Variants in PCDH17 observed in about 807,000 individuals in gnomAD.
PCDH17 encodes protocadherin 17, also known as protocadherin-17.
A neutral mutation model predicts 67.7 loss-of-function variants in PCDH17; 21 were observed. The observed-to-expected ratio is 0.31, with a 90% CI of 0.22 to 0.45. The LOEUF (loss-of-function observed/expected upper bound fraction) is 0.45. PCDH17 is among the 20% of genes least tolerant of loss of function. PCDH17 has a pLI of 1.00. For missense variants in PCDH17, 1,471 were observed against 1,564.8 expected (o/e 0.94, Z 1.01); for synonymous variants, 701 against 656.7 (o/e 1.07, Z -1.03).
At chr13:57,643,405 T>A (rs530237936) in intron 1 of PCDH17, among the ~76,000 whole-genome samples, 322 of 151,782 alleles carry the variant, frequency 2.1e-3, no homozygotes, top group Middle Eastern at 6.8e-3. Context: ...TGATACATTT[T>A]ATATAAATTA....
At chr13:57,714,725 A>G (rs748520259) in intron 3 of PCDH17, among the ~76,000 whole-genome samples, 3 of 151,772 alleles carry the variant, frequency 2.0e-5, no homozygotes, top group Non-Finnish European at 4.4e-5. Context: ...TAACTCTTTC[A>G]AGACTCTAAA....
At chr13:57,721,507 C>T (rs1475536446) in intron 3 of PCDH17, among the ~76,000 whole-genome samples, 3 of 151,854 alleles carry the variant, frequency 2.0e-5, no homozygotes, top group Non-Finnish European at 4.4e-5. Context: ...GATCATCTAT[C>T]TTAGAACTGT....
intron 3 of PCDH17, among the ~76,000 whole-genome samples, chr13:57,709,241 T>C (rs1034022963): frequency 2.0e-5 from 3 of 151,832 alleles, no homozygotes; most frequent in African/African-American, 7.2e-5. Flanking sequence ...AATATTAAGA[T>C]GCAGTACACA....
intron 3 of PCDH17, among the ~76,000 whole-genome samples, chr13:57,681,866 G>A (rs191605063): frequency 1.3e-5 from 2 of 151,786 alleles, no homozygotes; most frequent in East Asian, 3.9e-4. Context: ...GTGCTAGCAT[G>A]AGTGTTATGT....
chr13:57,693,184 A>G (rs1279289869), intron 3 of PCDH17, among the ~76,000 whole-genome samples: 4 of 135,634 alleles, frequency 2.9e-5, no homozygotes, highest in African/African-American at 1.1e-4. Context: ...TTGAAATAGT[A>G]AAGGTGAACA....
At chr13:57,716,761 G>T (rs895385706) in intron 3 of PCDH17, among the ~76,000 whole-genome samples, 5 of 151,900 alleles carry the variant, frequency 3.3e-5, no homozygotes, top group Non-Finnish European at 5.9e-5. Context: ...AACTTTAGAA[G>T]TAGATAGACC....
intron 3 of PCDH17, among the ~76,000 whole-genome samples, chr13:57,678,460 G>A (rs1041738645): frequency 1.3e-5 from 2 of 151,592 alleles, no homozygotes; most frequent in African/African-American, 4.8e-5. Context: ...TAGCTTTAAA[G>A]TAAAGATAAA....
upstream of PCDH17, among the ~76,000 whole-genome samples, chr13:57,631,278 A>C (rs1252653573): frequency 2.6e-5 from 4 of 152,206 alleles, no homozygotes; most frequent in East Asian, 3.9e-4. Flanking sequence ...GAAAAGAGGC[A>C]CTTGACAGCC....
At chr13:57,672,839 G>A (rs1955339184) in intron 3 of PCDH17, among the ~76,000 whole-genome samples, 1 of 151,950 alleles carries the variant, frequency 6.6e-6, no homozygotes, top group South Asian at 2.1e-4. Flanking sequence ...AAACCAAAGA[G>A]AGGGTCGAGA....
intron 3 of PCDH17, among the ~76,000 whole-genome samples, chr13:57,713,284 A>G (rs933087012): frequency 6.6e-6 from 1 of 151,748 alleles, no homozygotes; most frequent in African/African-American, 2.4e-5. Flanking sequence ...TATTTACTTT[A>G]GAACACGGAT....
At position 57,633,869 on chromosome 13, in the gene PCDH17, C is replaced by G. The variant is rs1293220981; in HGVS notation, c.1323C>G (p.Thr441=). Residue 441 remains threonine (T), a synonymous_variant, in exon 1 of 4, where the codon ACC becomes ACG. Transcript: ENST00000377918. The surrounding 1 kb of genome is among the most constrained non-coding windows in gnomAD (Gnocchi z 6.2). The part of the protein sequence containing the change: ...DRETQDEYNV[T]IVARDGGSPP... ...AGACACAAGACGAGTACAACGTGAC[C>G]ATCGTGGCGCGGGACGGGGGCTCTC... The G allele has an allele frequency of 1.2e-6, 2 of 1,613,100 alleles. No individual in the cohort carries two copies. Among genetic ancestry groups the G allele is most frequent in the East Asian group, 4.5e-5 (2 of 44,838 alleles).
intron 3 of PCDH17, among the ~76,000 whole-genome samples, chr13:57,670,507 A>G (rs1048760514): frequency 2.0e-5 from 3 of 151,088 alleles, no homozygotes; most frequent in South Asian, 4.2e-4. Flanking sequence ...TGCCTTACAC[A>G]GATTTCAATT....
At chr13:57,721,136 A>C (rs572242846) in intron 3 of PCDH17, among the ~76,000 whole-genome samples, 26 of 152,222 alleles carry the variant, frequency 1.7e-4, no homozygotes, top group Non-Finnish European at 3.7e-4. Flanking sequence ...TTTCTGCAAT[A>C]TAAACATGCT....
intron 3 of PCDH17, among the ~76,000 whole-genome samples, chr13:57,698,307 T>C (rs1955630578): frequency 6.6e-6 from 1 of 151,894 alleles, no homozygotes; most frequent in South Asian, 2.1e-4. Context: ...TCAATATTTT[T>C]TATTCATATG....
At chr13:57,654,335 A>C (rs529221087) in intron 1 of PCDH17, among the ~76,000 whole-genome samples, 1 of 152,250 alleles carries the variant, frequency 6.6e-6, no homozygotes, top group African/African-American at 2.4e-5. Flanking sequence ...CTTTATTTTC[A>C]AAAACAGATA....
In PCDH17 at chr13:57,693,344, A is replaced by ATATATATATATATATC. The variant is rs1384014902; in HGVS notation, c.2797+26512_2797+26513insATATATATATATATCT. Among the ~76,000 whole-genome samples, 7 of 141,046 alleles carry ATATATATATATATATC rather than the reference A, an allele frequency of 5.0e-5. No homozygotes were observed. In the South Asian group the frequency reaches 6.7e-4, roughly 13 times the overall value. 92.5% of individuals were successfully genotyped at this position (141,046 alleles called of 152,430 possible). A position where few individuals can be genotyped will look rare whatever the true frequency, so the allele number is the denominator to read the frequency against. On this transcript the variant is annotated intron_variant, in intron 3 of 3. Transcript: ENST00000377918. ...TATATATATATATATATATATATAT[A>ATATATATATATATATC]TCAAGGAGTTAGGATACAAAATATC... is the stretch of plus-strand genomic sequence containing the variant.
In PCDH17 at chr13:57,634,245, G is replaced by A. The variant is rs755932473; in HGVS notation, c.1699G>A (p.Ala567Thr). ...SGAPAHLESN[A>T]TVRVTVLDVN... ...GGCGCCCGCGCACTTGGAGAGCAAC[G>A]CCACGGTGAGGGTGACAGTGCTAGA... The change falls in exon 1 of 4, where the codon GCC (alanine) becomes ACC (threonine). Residue 567 changes from alanine to threonine, a missense_variant. Transcript: ENST00000377918. This position sits in a 1 kb window ranked among gnomAD's most constrained non-coding sequence, Gnocchi z 7.8. The A allele has an allele frequency of 5.6e-6, 9 of 1,613,182 alleles. No individual in the cohort carries two copies. In the East Asian group the frequency reaches 1.3e-4, roughly 24 times the overall value.
Position 57,633,998 on chromosome 13 carries a change from C to T in PCDH17, c.1452C>T (p.Asn484=). The part of the protein sequence containing the change: ...KGLYVLQVHE[N]NIPGEYLGSV... ...TCTACGTGCTTCAGGTGCACGAGAA[C>T]AACATCCCGGGAGAGTACCTGGGCT... Residue 484 remains asparagine, a synonymous_variant, in exon 1 of 4, where the codon AAC becomes AAT. Transcript: ENST00000377918. The surrounding 1 kb of genome is among the most constrained non-coding windows in gnomAD (Gnocchi z 6.2). 1.9e-6 allele frequency: 3 copies of T among 1,613,608 alleles called. No homozygotes were observed. The highest frequency in any genetic ancestry group is 2.5e-6 in the Non-Finnish European group (3 of 1,180,024).
In PCDH17 at chr13:57,634,458, A is replaced by G; in HGVS notation, c.1912A>G (p.Ile638Val). ...CGGCAACGACGACCACCTGTTTGAG[A>G]TCGACCCGTCCAGCGGCGAGATCCG... ...VDGNDDHLFE[I>V]DPSSGEIRTL... The change falls in exon 1 of 4, where the codon ATC becomes GTC. Residue 638 changes from isoleucine (I) to valine (V), a missense_variant. By Grantham distance (29) the Ile-to-Val change is conservative (BLOSUM62 3). This residue lies in a region of PCDH17 where 1,163 missense variants were observed against 1,230.0 expected (regional missense o/e 0.95). Coordinates refer to ENST00000377918, the MANE Select transcript of PCDH17 (RefSeq NM_001040429.3). The surrounding 1 kb of genome is among the most constrained non-coding windows in gnomAD (Gnocchi z 7.8). 1 of 1,612,328 alleles carries G rather than the reference A, an allele frequency of 6.2e-7. No individual in the cohort carries two copies. The highest frequency in any genetic ancestry group is 1.1e-5 in the South Asian group (1 of 91,056).
Sources: gnomAD v4.1 joint callset for allele counts (sites outside exome capture counted in the v4.1 genomes callset) on GRCh38, gnomAD v4.1.1 for gene constraint, gnomAD v4.1.1 regional missense constraint, Gnocchi (gnomAD v3.1) non-coding constraint, MANE v1.5 for transcripts, NCBI Gene and HGNC (gene_info 2026-07-23, HGNC 2026-07-21) for gene names.